Variants in NAV3 observed in about 807,000 individuals in gnomAD.
NAV3 encodes the protein neuron navigator 3.
In NAV3, 87 loss-of-function variants were observed where a neutral mutation model predicts 244.7. The observed-to-expected ratio is 0.36, with a 90% CI of 0.30 to 0.42. The LOEUF (loss-of-function observed/expected upper bound fraction) is 0.42. Among genes scored for constraint, NAV3 ranks in the 20% least tolerant of loss-of-function variants. The probability of loss-of-function intolerance (pLI) is 1.00; values close to 1 mark genes in which losing one functional copy is unlikely to be tolerated. For synonymous variants in NAV3, 1,126 were observed against 1,042.2 expected, an observed-to-expected ratio of 1.08 and a Z score of -1.55; for missense variants, 2,663 against 2,893.3, an observed-to-expected ratio of 0.92 and a Z score of 1.83.
chr12:77,712,184 G>T (rs956991091), intron 2 of NAV3, among the ~76,000 whole-genome samples: 1 of 152,088 alleles, frequency 6.6e-6, no homozygotes, highest in African/African-American at 2.4e-5. Flanking sequence ...CTTTCAGAGC[G>T]AAAGGGTTAT....
chr12:78,207,428 T>C (rs1960445855), intron 39 of NAV3, among the ~76,000 whole-genome samples: 1 of 152,176 alleles, frequency 6.6e-6, no homozygotes, highest in African/African-American at 2.4e-5. Flanking sequence ...TCATTTCTGA[T>C]CTCAAGAAGC....
intron 23 of NAV3, 40 bp downstream of exon 23, chr12:78,159,326 G>C (rs756563226): frequency 1.3e-6 from 2 of 1,501,432 alleles, no homozygotes; most frequent in African/African-American, 2.8e-5. Flanking sequence ...AAAGAAGACA[G>C]CAAATTGCAT....
chr12:77,974,492 T>C (rs1257493600), intron 5 of NAV3, among the ~76,000 whole-genome samples: 1 of 151,824 alleles, frequency 6.6e-6, no homozygotes, highest in Non-Finnish European at 1.5e-5. Context: ...GAGACATGGT[T>C]TCACCATGTT....
At chr12:77,950,322 T>C (rs1890751236) in intron 3 of NAV3, among the ~76,000 whole-genome samples, 1 of 152,158 alleles carries the variant, frequency 6.6e-6, no homozygotes, top group Non-Finnish European at 1.5e-5. Flanking sequence ...CATTTGGTGT[T>C]GTCAATGTTC....
chr12:77,821,209 G>A (rs753795298), intron 2 of NAV3, among the ~76,000 whole-genome samples: 37 of 151,988 alleles, frequency 2.4e-4, no homozygotes, highest in Non-Finnish European at 5.3e-4. Context: ...TTTTCTGGGT[G>A]GTTCCTAGAA....
At chr12:77,723,563 G>A (rs1286572679) in intron 2 of NAV3, among the ~76,000 whole-genome samples, 3 of 151,892 alleles carry the variant, frequency 2.0e-5, no homozygotes, top group African/African-American at 4.8e-5. Flanking sequence ...GTTATGACAT[G>A]CTGTGAAAGG....
At chr12:78,099,108 A>G (rs1052646489) in intron 12 of NAV3, among the ~76,000 whole-genome samples, 9 of 151,714 alleles carry the variant, frequency 5.9e-5, no homozygotes, top group African/African-American at 1.9e-4. Context: ...TCCTAATACA[A>G]TAATTCTAAA....
At chr12:77,707,676 C>A (rs1565780694) in intron 2 of NAV3, among the ~76,000 whole-genome samples, 1 of 152,190 alleles carries the variant, frequency 6.6e-6, no homozygotes, top group Non-Finnish European at 1.5e-5. Context: ...ACAGTCCCAC[C>A]AACAGTGTAA....
intron 2 of NAV3, among the ~76,000 whole-genome samples, chr12:77,672,910 T>C (rs1874050258): frequency 6.6e-6 from 1 of 152,134 alleles, no homozygotes; most frequent in Non-Finnish European, 1.5e-5. Context: ...TGAAGGATAG[T>C]AAGAGATGAG....
At chr12:77,759,855 G>T (rs1869376493) in intron 2 of NAV3, among the ~76,000 whole-genome samples, 1 of 152,022 alleles carries the variant, frequency 6.6e-6, no homozygotes, top group Non-Finnish European at 1.5e-5. Context: ...GCCCCTTATT[G>T]CTGTTTTCTG....
intron 2 of NAV3, among the ~76,000 whole-genome samples, chr12:77,702,715 G>A (rs1875615534): frequency 6.6e-6 from 1 of 151,630 alleles, no homozygotes; most frequent in South Asian, 2.1e-4. Context: ...TGTTCTTTGT[G>A]CTATTGTTAT....
chr12:77,592,011 A>T (rs1869928477), intron 2 of NAV3, among the ~76,000 whole-genome samples: 1 of 152,208 alleles, frequency 6.6e-6, no homozygotes, highest in Non-Finnish European at 1.5e-5. Flanking sequence ...TTGTTGTTAG[A>T]AACTAGAAAT....
rs780201858 is a variant in NAV3, at chr12:78,006,755, G to T, written c.1217G>T (p.Gly406Val). 1.9e-6 allele frequency: 3 copies of T among 1,614,058 alleles called. No homozygotes were observed. In the Admixed American group the frequency reaches 5.0e-5, roughly 27 times the overall value. ...CGCCCCCCGCAGCCTCCCAGTTCAG[G>T]ACCTAGTGATGGTGGGAAGGATGAT... ...ALRPPQPPSS[G>V]PSDGGKDDDA... The change falls in exon 8 of 40, where the codon GGA becomes GTA. Residue 406 changes from glycine (G) to valine (V), a missense_variant. Gly to Val is a moderately radical substitution (Grantham distance 109, BLOSUM62 -3). This residue lies in a region of NAV3 where 1,521 missense variants were observed against 1,497.0 expected (regional missense o/e 1.02). Coordinates refer to ENST00000397909, the MANE Select transcript of NAV3 (RefSeq NM_001024383.2).
intron 21 of NAV3, 102 bp downstream of exon 21, chr12:78,146,494 G>C (rs558006926): frequency 2.6e-6 from 1 of 380,424 alleles, no homozygotes; most frequent in African/African-American, 2.1e-5. Context: ...TACAATAGCA[G>C]AACTCCACAG....
intron 2 of NAV3, among the ~76,000 whole-genome samples, chr12:77,663,429 C>A (rs1873560508): frequency 6.6e-6 from 1 of 151,078 alleles, no homozygotes; most frequent in South Asian, 2.1e-4. Context: ...AAGAAACATA[C>A]AAACAAAAAG....
At position 77,961,047 on chromosome 12, in the gene NAV3, T is replaced by A. The variant is rs1891890877; in HGVS notation, c.415-5182T>A. Among the ~76,000 whole-genome samples, 2 of 132,354 alleles carry A rather than the reference T, an allele frequency of 1.5e-5. 1 individual carries two copies. Among genetic ancestry groups the A allele is most frequent in the Non-Finnish European group, 3.2e-5 (2 of 61,704 alleles). The allele number at this position is 132,354 out of a possible 152,430, so 86.8% of individuals were successfully genotyped here. A position where few individuals can be genotyped will look rare whatever the true frequency, so the allele number is the denominator to read the frequency against. On this transcript the variant is annotated intron_variant, in intron 3 of 39. Coordinates refer to ENST00000397909, the MANE Select transcript of NAV3 (RefSeq NM_001024383.2). ...ACATGTATACGCATATATGTATATA[T>A]GTATATGTTGCATGTATACGCATAT...
At chr12:77,978,903 C>G (rs997922376) in intron 5 of NAV3, among the ~76,000 whole-genome samples, 1 of 151,870 alleles carries the variant, frequency 6.6e-6, no homozygotes, top group Admixed American at 6.6e-5. Context: ...AGTAAAATTA[C>G]ATCTCAATAC....
intron 12 of NAV3, among the ~76,000 whole-genome samples, chr12:78,074,500 C>T (rs945328063): frequency 3.9e-5 from 6 of 151,988 alleles, no homozygotes; most frequent in Admixed American, 2.0e-4. Context: ...GTCAGGAGTT[C>T]GAGACCAGCC....
intron 2 of NAV3, among the ~76,000 whole-genome samples, chr12:77,594,138 G>A (rs895248393): frequency 1.3e-5 from 2 of 152,080 alleles, no homozygotes; most frequent in Non-Finnish European, 2.9e-5. Context: ...ACATCTTTTA[G>A]CAGAGGAATT....
Sources: allele counts gnomAD v4.1 joint callset (sites outside exome capture counted in the v4.1 genomes callset), GRCh38; gene constraint gnomAD v4.1.1; regional missense constraint gnomAD v4.1.1; transcripts MANE v1.5; gene names NCBI Gene and HGNC (gene_info 2026-07-23, HGNC 2026-07-21).